The following GNE variants were observed in gnomAD, a reference collection of about 807,000 sequenced individuals.
GNE encodes the protein bifunctional UDP-N-acetylglucosamine 2-epimerase/N-acetylmannosamine kinase.
Under a neutral mutation model 61.8 loss-of-function variants are expected in GNE, and 41 were observed. The ratio of observed to expected loss-of-function variants is 0.66; its 90% confidence interval spans 0.52 to 0.86. The LOEUF is 0.86. GNE is among the 40% of genes least tolerant of loss of function. GNE has a pLI of 0.00. For missense variants in GNE, 608 were observed against 909.1 expected (o/e 0.67, Z 4.26); for synonymous variants, 264 against 326.4 (o/e 0.81, Z 2.06).
intron 3 of GNE, among the ~76,000 whole-genome samples, chr9:36,242,619 C>T (rs2133098490): frequency 6.6e-6 from 1 of 152,038 alleles, no homozygotes; most frequent in Non-Finnish European, 1.5e-5. Flanking sequence ...GGGGTTTCAC[C>T]ATGTTGGCCA....
intron 4 of GNE, among the ~76,000 whole-genome samples, chr9:36,235,673 C>G (rs1829361544): frequency 6.6e-6 from 1 of 151,950 alleles, no homozygotes; most frequent in Non-Finnish European, 1.5e-5. Context: ...GATACATTAC[C>G]TGGAAAAAAT....
Position 36,216,778 on chromosome 9 carries a change from TCTC to T in GNE, c.*584_*586del, listed in dbSNP as rs1350221971. On this transcript the variant is annotated 3_prime_UTR_variant, in exon 12 of 12. Coordinates refer to ENST00000642385, the MANE Select transcript of GNE (RefSeq NM_005476.7). ...GCTCCGCCTCCCTGGTTCATGCCAT[TCTC>T]CTGCCTCAGCCTCCCGAGTAGCTGG... is the stretch of plus-strand genomic sequence containing the variant. 2 of 160,294 alleles carry T rather than the reference TCTC, an allele frequency of 1.2e-5. No homozygotes were observed. The highest frequency in any genetic ancestry group is 2.8e-5 in the Non-Finnish European group (2 of 72,690). 9.9% of individuals were successfully genotyped at this position (160,294 alleles called of 1,614,324 possible).
chr9:36,246,492 G>A lies in GNE; in HGVS notation c.165-10C>T, dbSNP rs1829881002. 6.3e-7 allele frequency: 1 copy of A among 1,597,878 alleles called. No individual in the cohort carries two copies. Among genetic ancestry groups the A allele is most frequent in the Non-Finnish European group, 8.6e-7 (1 of 1,167,178 alleles). ...CATTCGATATGTATTTCTAAAGCCG[G>A]GGAGAAATAAAGATATAAGAACATG... On this transcript the variant is annotated splice_polypyrimidine_tract_variant and intron_variant, in intron 2 of 11. Coordinates refer to ENST00000642385, the MANE Select transcript of GNE (RefSeq NM_005476.7).
intron 1 of GNE, among the ~76,000 whole-genome samples, chr9:36,274,552 A>G (rs1176495271): frequency 6.6e-6 from 1 of 152,026 alleles, no homozygotes; most frequent in African/African-American, 2.4e-5. Flanking sequence ...GAGATATTTT[A>G]CATCCTGGGC....
In GNE at chr9:36,265,127, C is replaced by T. The variant is rs77867715; in HGVS notation, c.51+11767G>A. On this transcript the variant is annotated intron_variant, in intron 1 of 11. Transcript: ENST00000396594. ...CGAGGCGCCCACTGCTGCTCCCGAT[C>T]GGGCTGAAGGCTTGCCGTTGTTCCT... 2.5e-4 allele frequency: 71 copies of T among 285,814 alleles called. 1 individual carries two copies. In the East Asian group the frequency reaches 4.5e-3, roughly 18 times the overall value. The allele number at this position is 285,814 out of a possible 1,614,324, so 17.7% of individuals were successfully genotyped here. A position where few individuals can be genotyped will look rare whatever the true frequency, so the allele number is the denominator to read the frequency against.
chr9:36,228,147 ATC>A (rs1828978535), intron 6 of GNE, among the ~76,000 whole-genome samples: 2 of 151,864 alleles, frequency 1.3e-5, no homozygotes, highest in Admixed American at 6.6e-5. Flanking sequence ...ATACAATTTT[ATC>A]TGTCAATTAA....
Position 36,234,058 on chromosome 9 carries a change from C to A in GNE, c.844G>T (p.Val282Phe), listed in dbSNP as rs747066733. The change falls in exon 5 of 12, where the codon GTC (valine) becomes TTC (phenylalanine). Residue 282 changes from valine (V) to phenylalanine (F), a missense_variant. By Grantham distance (50) the Val-to-Phe change is conservative. Transcript: ENST00000642385. The stretch of plus-strand genomic sequence containing the variant: ...AACTGTATAAACTGGTCAAATGGGA[C>A]GTGTTTAACTGCACGAAAGTTGGGA... ...HHPNFRAVKH[V>F]PFDQFIQLVA... 1 of 1,614,000 alleles carries A rather than the reference C, an allele frequency of 6.2e-7. No homozygotes were observed. Among genetic ancestry groups the A allele is most frequent in the Non-Finnish European group, 8.5e-7 (1 of 1,179,870 alleles).
intron 8 of GNE, 24 bp from the exon 9 acceptor site, chr9:36,223,022 G>C (rs1563930417): frequency 6.3e-7 from 1 of 1,596,404 alleles, no homozygotes; most frequent in South Asian, 1.1e-5. Context: ...CAAACACAAG[G>C]AAATAATGCT....
chr9:36,265,259 G>C, intron 1 of GNE: 1 of 401,416 alleles, frequency 2.5e-6, no homozygotes, highest in Non-Finnish European at 5.0e-6. Flanking sequence ...AACATTCACC[G>C]CATGGCCCAA....
chr9:36,274,720 CT>C (rs1195507916), intron 1 of GNE, among the ~76,000 whole-genome samples: 298 of 143,876 alleles, frequency 2.1e-3, no homozygotes, highest in Middle Eastern at 3.7e-3. Context: ...GTTTCACATT[CT>C]TTTTTTTTTT....
chr9:36,217,256 C>T lies in GNE; in HGVS notation c.*109G>A. 1 of 777,260 alleles carries T rather than the reference C, an allele frequency of 1.3e-6. No homozygotes were observed. Among genetic ancestry groups the T allele is most frequent in the South Asian group, 1.5e-5 (1 of 68,232 alleles). The allele number at this position is 777,260 out of a possible 1,614,324, so 48.1% of individuals were successfully genotyped here. Reference sequence around the variant, plus strand: ...TGAAAACATTTCTCTGCCAAAGTCACCTGCAGTTCAATACCAGATTTGATT... The same window carrying T: ...TGAAAACATTTCTCTGCCAAAGTCATCTGCAGTTCAATACCAGATTTGATT... On this transcript the variant is annotated 3_prime_UTR_variant, in exon 12 of 12. Transcript: ENST00000642385.
chr9:36,270,753 G>A (rs1445901243), intron 1 of GNE, among the ~76,000 whole-genome samples: 4 of 151,698 alleles, frequency 2.6e-5, no homozygotes, highest in African/African-American at 7.3e-5. Context: ...TCCTGACCTC[G>A]TGATCCGCCC....
intron 7 of GNE, among the ~76,000 whole-genome samples, chr9:36,224,864 T>C (rs1828791396): frequency 6.6e-6 from 1 of 152,142 alleles, no homozygotes; most frequent in African/African-American, 2.4e-5. Flanking sequence ...AGTGAAACCC[T>C]GTCTCAAAAA....
chr9:36,227,501 T>C, intron 6 of GNE, 43 bp from the exon 7 acceptor site: 1 of 1,231,840 alleles, frequency 8.1e-7, no homozygotes, highest in Non-Finnish European at 1.2e-6. Flanking sequence ...GCTTCTGCCA[T>C]ACATGTTAAG....
At position 36,217,473 on chromosome 9, in the gene GNE, G is replaced by C. The variant is rs765296741; in HGVS notation, c.2061C>G (p.Ala687=). 6.2e-6 allele frequency: 10 copies of C among 1,614,030 alleles called. No homozygotes were observed. Among genetic ancestry groups the C allele is most frequent in the African/African-American group, 1.3e-5 (1 of 74,930 alleles). The change falls in exon 12 of 12, where the codon GCC becomes GCG. Residue 687 remains alanine, a synonymous_variant. Coordinates refer to ENST00000642385, the MANE Select transcript of GNE (RefSeq NM_005476.7). ...HIVKDVIRQQ[A]LSSVQDVDVV... is the part of the protein sequence containing the mutation. ...CATCCACGTCCTGCACGGAGGACAA[G>C]GCCTGCTGGCGAATGACGTCTTTGA...
chr9:36,219,424 GT>G (rs1828483209), intron 10 of GNE, among the ~76,000 whole-genome samples: 1 of 147,664 alleles, frequency 6.8e-6, no homozygotes. Flanking sequence ...TCACAAATTG[GT>G]TTTGGGGGCC....
At chr9:36,234,237 A>T in intron 4 of GNE, 105 bp from the exon 5 acceptor site, 1 of 869,070 alleles carries the variant, frequency 1.2e-6, no homozygotes, top group South Asian at 1.3e-5. Context: ...AAAAAACCTC[A>T]CATCAGTTAT....
chr9:36,253,291 TTTA>T (rs1830188336), intron 1 of GNE, among the ~76,000 whole-genome samples: 2 of 151,816 alleles, frequency 1.3e-5, no homozygotes, highest in Admixed American at 6.6e-5. Flanking sequence ...TTTTTTTTTT[TTTA>T]AAATACAGTC....
At chr9:36,265,262 TG>T (rs766680320) in intron 1 of GNE, 1 of 404,924 alleles carries the variant, frequency 2.5e-6, no homozygotes, top group Non-Finnish European at 5.0e-6. Flanking sequence ...ATTCACCGCA[TG>T]GCCCAAGATT....
Sources: allele counts gnomAD v4.1 joint callset (sites outside exome capture counted in the v4.1 genomes callset), GRCh38; gene constraint gnomAD v4.1.1; transcripts MANE v1.5; gene names NCBI Gene and HGNC (gene_info 2026-07-23, HGNC 2026-07-21).